The following EFCAB8 variants were observed in gnomAD, a reference collection of about 807,000 sequenced individuals.
EFCAB8 encodes the protein EF-hand calcium binding domain 8.
A neutral mutation model predicts 116.3 loss-of-function variants in EFCAB8; 100 were observed. That is an observed-to-expected ratio of 0.86 (90% CI 0.73 to 1.02). The LOEUF (loss-of-function observed/expected upper bound fraction) is 1.02, where lower values mean the gene tolerates loss of function less well. Ranked by LOEUF, EFCAB8 falls within the 50% of genes least tolerant of loss-of-function variation. EFCAB8 has a pLI of 0.00. For synonymous variants in EFCAB8, 558 were observed against 567.9 expected (o/e 0.98, Z 0.25); for missense variants, 1,320 against 1,416.9 (o/e 0.93, Z 1.10).
chr20:32,957,417 A>G (rs533263855), intron 23 of EFCAB8, among the ~76,000 whole-genome samples: 20 of 152,028 alleles, frequency 1.3e-4, no homozygotes, highest in African/African-American at 4.8e-4. Flanking sequence ...TTTCCTCTGT[A>G]TAGGGCTGAG....
intron 2 of EFCAB8, among the ~76,000 whole-genome samples, chr20:32,865,454 C>A (rs149124245): frequency 2.0e-5 from 3 of 151,900 alleles, no homozygotes; most frequent in Non-Finnish European, 4.4e-5. Context: ...TGCTACACTC[C>A]GGAGTTGGGG....
At chr20:32,870,235 A>G (rs1984620955) in intron 3 of EFCAB8, among the ~76,000 whole-genome samples, 1 of 152,070 alleles carries the variant, frequency 6.6e-6, no homozygotes, top group Non-Finnish European at 1.5e-5. Flanking sequence ...CTTCAATGTC[A>G]TTGTTTGCAG....
chr20:32,907,747 C>G (rs1367430589), intron 13 of EFCAB8, among the ~76,000 whole-genome samples: 1 of 152,176 alleles, frequency 6.6e-6, no homozygotes, highest in Non-Finnish European at 1.5e-5. Context: ...CAGGGACAGT[C>G]TCGCTGAGGT....
intron 24 of EFCAB8, among the ~76,000 whole-genome samples, chr20:32,959,078 T>C (rs192862211): frequency 3.3e-5 from 5 of 152,322 alleles, no homozygotes; most frequent in Admixed American, 2.6e-4. Flanking sequence ...GTAATTCTGG[T>C]TCATTCAAGA....
chr20:32,860,596 T>A (rs965947019), intron 1 of EFCAB8, among the ~76,000 whole-genome samples: 2 of 141,130 alleles, frequency 1.4e-5, no homozygotes, highest in Non-Finnish European at 3.0e-5. Flanking sequence ...AACCTCCACC[T>A]CCTGGGTTCA....
At chr20:32,861,259 C>T (rs1280618276) in intron 1 of EFCAB8, among the ~76,000 whole-genome samples, 2 of 152,096 alleles carry the variant, frequency 1.3e-5, no homozygotes, top group Non-Finnish European at 1.5e-5. Flanking sequence ...AAATTACTAC[C>T]CACCATCCTA....
intron 3 of EFCAB8, among the ~76,000 whole-genome samples, chr20:32,870,414 A>G (rs553790175): frequency 3.2e-4 from 48 of 152,246 alleles, no homozygotes; most frequent in Non-Finnish European, 6.0e-4. Flanking sequence ...TTTTTGATAT[A>G]CAGAGAAAAT....
Position 32,913,011 on chromosome 20 carries a change from C to G in EFCAB8, c.1856+147C>G, listed in dbSNP as rs1054945575. On this transcript the variant is annotated intron_variant, in intron 17 of 26. Transcript: ENST00000400522. ...AATGACTATTGCTTCATCTGCTCAT[C>G]CATCCATTTATTCATTATTCATTGA... 30 of 620,156 alleles carry G rather than the reference C, an allele frequency of 4.8e-5. No individual in the cohort carries two copies. In the African/African-American group the frequency reaches 5.4e-4, roughly 11 times the overall value. The allele number at this position is 620,156 out of a possible 1,614,324, so 38.4% of individuals were successfully genotyped here. A position where few individuals can be genotyped will look rare whatever the true frequency, so the allele number is the denominator to read the frequency against.
intron 3 of EFCAB8, among the ~76,000 whole-genome samples, chr20:32,869,212 A>G (rs1004111922): frequency 6.6e-6 from 1 of 152,164 alleles, no homozygotes; most frequent in Non-Finnish European, 1.5e-5. Flanking sequence ...CAACAGGGAG[A>G]AAAACTCCAG....
chr20:32,952,105 A>T (rs1016965135), intron 23 of EFCAB8, among the ~76,000 whole-genome samples: 2 of 152,210 alleles, frequency 1.3e-5, no homozygotes, highest in East Asian at 1.9e-4. Flanking sequence ...TACAAAAAAA[A>T]ATATTAAAAA....
At chr20:32,897,627 G>A (rs1342066747) in intron 10 of EFCAB8, among the ~76,000 whole-genome samples, 1 of 151,758 alleles carries the variant, frequency 6.6e-6, no homozygotes, top group Non-Finnish European at 1.5e-5. Context: ...TTTTGAGACG[G>A]GGCCTCACTA....
intron 17 of EFCAB8, among the ~76,000 whole-genome samples, chr20:32,914,640 G>C (rs1987097987): frequency 6.6e-6 from 1 of 152,204 alleles, no homozygotes; most frequent in African/African-American, 2.4e-5. Context: ...GGTGGCAGGA[G>C]AGAGAGTGCA....
At chr20:32,926,432 C>CTT (rs781520881) in intron 20 of EFCAB8, among the ~76,000 whole-genome samples, 1 of 99,878 alleles carries the variant, frequency 1.0e-5, no homozygotes, top group Non-Finnish European at 2.2e-5. Context: ...TAGCTGTTTG[C>CTT]TTTTTTTTTT....
At chr20:32,904,486 A>G (rs1379016028) in intron 11 of EFCAB8, among the ~76,000 whole-genome samples, 39 of 146,150 alleles carry the variant, frequency 2.7e-4, no homozygotes, top group Admixed American at 2.6e-3. Flanking sequence ...TTTTGTACAG[A>G]TGGGATCTTG....
Position 32,906,871 on chromosome 20 carries a change from C to T in EFCAB8, c.1185C>T (p.Arg395=), listed in dbSNP as rs1264535659. ...CTGGTGGCTACGATGCCTTCATCCG[C>T]CTGTGGAACCCCTTTGTCTCAAAGA... ...LVTGGYDAFI[R]LWNPFVSKRP... is the part of the protein sequence containing the mutation. Residue 395 remains arginine, a synonymous_variant, in exon 13 of 27, where the codon CGC becomes CGT. Transcript: ENST00000400522. 6.5e-7 allele frequency: 1 copy of T among 1,540,564 alleles called. No individual in the cohort carries two copies. The highest frequency in any genetic ancestry group is 2.4e-5 in the East Asian group (1 of 40,838).
chr20:32,860,313 CAAA>C (rs150743879), intron 1 of EFCAB8, among the ~76,000 whole-genome samples: 1 of 148,514 alleles, frequency 6.7e-6, no homozygotes, highest in Non-Finnish European at 1.5e-5. Context: ...AAAATAAAAG[CAAA>C]AAAAAACCCA....
At chr20:32,877,918 G>A (rs150593336) in intron 4 of EFCAB8, among the ~76,000 whole-genome samples, 2 of 152,284 alleles carry the variant, frequency 1.3e-5, no homozygotes, top group African/African-American at 2.4e-5. Context: ...TCAGGACGGC[G>A]AGGGAGACGC....
chr20:32,955,722 C>T (rs1036845671), intron 23 of EFCAB8, among the ~76,000 whole-genome samples: 1 of 152,154 alleles, frequency 6.6e-6, no homozygotes, highest in Non-Finnish European at 1.5e-5. Flanking sequence ...GTTCCACGTC[C>T]TGAGCGAGGG....
At chr20:32,938,120 A>G (rs530921134) in intron 22 of EFCAB8, among the ~76,000 whole-genome samples, 1 of 150,246 alleles carries the variant, frequency 6.7e-6, no homozygotes, top group Non-Finnish European at 1.5e-5. Flanking sequence ...CACCATGACC[A>G]AGTAAGATTT....
Sources: gnomAD v4.1 joint callset for allele counts (sites outside exome capture counted in the v4.1 genomes callset) on GRCh38, gnomAD v4.1.1 for gene constraint, MANE v1.5 for transcripts, NCBI Gene and HGNC (gene_info 2026-07-23, HGNC 2026-07-21) for gene names.